Variants in SSTR5 observed in about 807,000 individuals in gnomAD.
SSTR5 encodes somatostatin receptor 5.
In SSTR5, 1 loss-of-function variant was observed where a neutral mutation model predicts 0.3. That is an observed-to-expected ratio of 2.98 (90% CI 1.06 to 14.15). SSTR5 has a LOEUF of 14.15. Among genes scored for constraint, SSTR5 ranks in the 30% most tolerant of loss-of-function variants. The pLI is 0.12. For synonymous variants in SSTR5, 256 were observed against 263.1 expected (o/e 0.97, Z 0.26); for missense variants, 516 against 543.2 (o/e 0.95, Z 0.50).
At chr16:1,074,919 G>A (rs1000829589) in intron 1 of SSTR5, among the ~76,000 whole-genome samples, 4 of 152,192 alleles carry the variant, frequency 2.6e-5, no homozygotes, top group African/African-American at 7.2e-5. Context: ...AGAGAAGCCC[G>A]TGACTTACCC....
rs1960323564 is a variant in SSTR5 at position 1,079,831 on chromosome 16, C to T, written c.963C>T (p.Leu321=). The T allele has an allele frequency of 6.2e-7, 1 of 1,612,022 alleles. No homozygotes were observed. Among genetic ancestry groups the T allele is most frequent in the Non-Finnish European group, 8.5e-7 (1 of 1,179,828 alleles). ...FRQSFQKVLC[L]RKGSGAKDAD... is the part of the protein sequence containing the mutation. ...AGAGCTTCCAGAAGGTTCTGTGCCT[C>T]CGCAAGGGCTCTGGTGCCAAGGACG... Residue 321 remains leucine, a synonymous_variant, in exon 2 of 2, where the codon CTC becomes CTT. Coordinates refer to ENST00000689027, the MANE Select transcript of SSTR5 (RefSeq NM_001172560.3).
At chr16:1,078,532 C>T (rs1216558378) in intron 1 of SSTR5, 1 of 420,234 alleles carries the variant, frequency 2.4e-6, no homozygotes, top group East Asian at 4.9e-5. Flanking sequence ...TGGCCTCAGA[C>T]TCCAGGATGC....
At position 1,079,904 on chromosome 16, in the gene SSTR5, GCCACGCCACCCGCGCA is replaced by G; in HGVS notation, c.1039_1054del (p.Thr347AlafsTer39). ...AGACAGGATCCGGCAGCAGCAGGAG[GCCACGCCACCCGCGCA>G]CCGCGCCGCAGCCAACGGGCTTATG... On this transcript the variant is annotated frameshift_variant, in exon 2 of 2. Coordinates refer to ENST00000689027, the MANE Select transcript of SSTR5 (RefSeq NM_001172560.3). LOFTEE classifies it high-confidence loss of function. 6.2e-7 allele frequency: 1 copy of G among 1,607,796 alleles called. No homozygotes were observed. The highest frequency in any genetic ancestry group is 8.5e-7 in the Non-Finnish European group (1 of 1,178,020).
intron 1 of SSTR5, chr16:1,073,026 C>A (rs575495253): frequency 1.3e-5 from 2 of 152,536 alleles, no homozygotes; most frequent in African/African-American, 4.8e-5. Context: ...CCTCCCCTCC[C>A]GTTCCATCCA....
intron 1 of SSTR5, chr16:1,077,940 C>G (rs1486011171): frequency 6.6e-6 from 1 of 152,128 alleles, no homozygotes; most frequent in African/African-American, 2.4e-5. Flanking sequence ...CTCAAAGCTC[C>G]GATGGGACTG....
rs200438697 is a variant in SSTR5 at position 1,079,580 on chromosome 16, G to A, written c.712G>A (p.Val238Met). 72 of 1,611,086 alleles carry A rather than the reference G, an allele frequency of 4.5e-5. No homozygotes were observed. Among genetic ancestry groups the A allele is most frequent in the East Asian group, 6.7e-5 (3 of 44,822 alleles). The part of the protein sequence containing the change: ...VRAAGVRVGC[V>M]RRRSERKVTR... ...GGCGGCGGGCGTGCGCGTGGGCTGC[G>A]TGCGGCGGCGCTCGGAGCGGAAGGT... The change falls in exon 2 of 2, where the codon GTG (valine) becomes ATG (methionine). Residue 238 changes from valine (V) to methionine (M), a missense_variant. Physicochemically the swap from Val to Met is conservative, Grantham distance 21. Transcript: ENST00000689027.
At chr16:1,077,524 A>G (rs556017769) in intron 1 of SSTR5, 1 of 152,258 alleles carries the variant, frequency 6.6e-6, no homozygotes, top group African/African-American at 2.4e-5. Context: ...CCTGGGCTCA[A>G]ATGATCCTCC....
At position 1,080,022 on chromosome 16, in the gene SSTR5, G is replaced by A. The variant is rs1311219334; in HGVS notation, c.*59G>A. 2.0e-5 allele frequency: 30 copies of A among 1,509,622 alleles called. No individual in the cohort carries two copies. Among genetic ancestry groups the A allele is most frequent in the Admixed American group, 8.8e-5 (4 of 45,402 alleles). The allele number at this position is 1,509,622 out of a possible 1,614,324, so 93.5% of individuals were successfully genotyped here. ...CCCCCAGGAGCGGAGGTTGCACTGC[G>A]GTGACCCCCACCCATGACCTGCCAG... On this transcript the variant is annotated 3_prime_UTR_variant, in exon 2 of 2. Coordinates refer to ENST00000689027, the MANE Select transcript of SSTR5 (RefSeq NM_001172560.3).
chr16:1,074,995 G>A (rs1477106206), intron 1 of SSTR5, among the ~76,000 whole-genome samples: 5 of 152,206 alleles, frequency 3.3e-5, no homozygotes, highest in Non-Finnish European at 7.3e-5. Flanking sequence ...ATGTCAGGCT[G>A]AGCAGATCCC....
Position 1,078,967 on chromosome 16 carries a change from G to A in SSTR5, c.99G>A (p.Ala33=), listed in dbSNP as rs748719826. 18 of 1,592,460 alleles carry A rather than the reference G, an allele frequency of 1.1e-5. No individual in the cohort carries two copies. Among genetic ancestry groups the A allele is most frequent in the Admixed American group, 3.5e-5 (2 of 57,330 alleles). The part of the protein sequence containing the change: ...GGDNRTLVGP[A]PSAGARAVLV... Reference sequence around the variant, plus strand: ...ACAACAGGACGCTGGTGGGGCCGGCGCCCTCGGCAGGGGCCCGGGCGGTGC... The same window carrying A: ...ACAACAGGACGCTGGTGGGGCCGGCACCCTCGGCAGGGGCCCGGGCGGTGC... Residue 33 remains alanine (A), a synonymous_variant, in exon 2 of 2, where the codon GCG becomes GCA. Coordinates refer to ENST00000689027, the MANE Select transcript of SSTR5 (RefSeq NM_001172560.3).
chr16:1,081,076 C>T lies in SSTR5; in HGVS notation c.*1113C>T. The T allele has an allele frequency of 2.1e-6, 1 of 470,408 alleles. No individual in the cohort carries two copies. The highest frequency in any genetic ancestry group is 4.4e-6 in the Non-Finnish European group (1 of 226,694). 29.1% of individuals were successfully genotyped at this position (470,408 alleles called of 1,614,324 possible). ...CCCTGGGAATCCCGCCGCCTCCCACCTAGAATTGTCCTACCTCCCCCACCC... is the reference window on the plus strand; with the variant it reads ...CCCTGGGAATCCCGCCGCCTCCCACTTAGAATTGTCCTACCTCCCCCACCC... On this transcript the variant is annotated 3_prime_UTR_variant, in exon 2 of 2. Coordinates refer to ENST00000689027, the MANE Select transcript of SSTR5 (RefSeq NM_001172560.3).
intron 1 of SSTR5, among the ~76,000 whole-genome samples, chr16:1,076,132 CCCG>C (rs1960199694): frequency 2.1e-5 from 1 of 47,808 alleles, no homozygotes; most frequent in Non-Finnish European, 4.2e-5. Context: ...CTCTCTCCTC[CCCG>C]CCTCCCCATC....
Position 1,079,306 on chromosome 16 carries a change from C to T in SSTR5, c.438C>T (p.Ser146=), listed in dbSNP as rs142519171. ...ACCTGGCAGTGGTGCACCCGCTGAGCTCGGCCCGCTGGCGCCGCCCGCGTG... is the reference window on the plus strand; with the variant it reads ...ACCTGGCAGTGGTGCACCCGCTGAGTTCGGCCCGCTGGCGCCGCCCGCGTG... The part of the protein sequence containing the change: ...DRYLAVVHPL[S]SARWRRPRVA... The change falls in exon 2 of 2, where the codon AGC becomes AGT. Residue 146 remains serine, a synonymous_variant. Transcript: ENST00000689027. 6.2e-7 allele frequency: 1 copy of T among 1,610,000 alleles called. No individual in the cohort carries two copies. Among genetic ancestry groups the T allele is most frequent in the Non-Finnish European group, 8.5e-7 (1 of 1,178,838 alleles).
At chr16:1,076,096 C>A (rs1596235272) in intron 1 of SSTR5, among the ~76,000 whole-genome samples, 1 of 20,250 alleles carries the variant, frequency 4.9e-5, no homozygotes, top group East Asian at 1.4e-3. Context: ...CTCCTCCCCT[C>A]CCCCTCCCTC....
chr16:1,075,178 T>A lies in SSTR5; in HGVS notation c.-28+2356T>A, dbSNP rs145660167. 8.6e-3 allele frequency among the ~76,000 whole-genome samples: 1,301 copies of A among 151,848 alleles called. 23 individuals are homozygous for A. Among genetic ancestry groups the A allele is most frequent in the African/African-American group, 0.03 (1,246 of 41,376 alleles). On this transcript the variant is annotated intron_variant, in intron 1 of 1. Coordinates refer to ENST00000689027, the MANE Select transcript of SSTR5 (RefSeq NM_001172560.3). ...CTCTTGCAGAATTATGTTCCAAGAG[T>A]CAGGTACAGCAATAATGGTCTATTT...
chr16:1,074,630 T>G (rs1246839394), intron 1 of SSTR5, among the ~76,000 whole-genome samples: 1 of 152,184 alleles, frequency 6.6e-6, no homozygotes, highest in East Asian at 1.9e-4. Context: ...GAGCGCCCAG[T>G]GTATGCCAGC....
chr16:1,081,440 C>T lies in SSTR5; in HGVS notation c.*1477C>T, dbSNP rs529462801. 2.0e-5 allele frequency among the ~76,000 whole-genome samples: 3 copies of T among 152,258 alleles called. No homozygotes were observed. The highest frequency in any genetic ancestry group is 1.3e-4 in the Admixed American group (2 of 15,302). On this transcript the variant is annotated 3_prime_UTR_variant, in exon 2 of 2. Transcript: ENST00000689027. ...TGACAACTGCTCCCCTGAATAAATGCGAGGATAAATGTTTGATTCTTTCCC... is the reference window on the plus strand; with the variant it reads ...TGACAACTGCTCCCCTGAATAAATGTGAGGATAAATGTTTGATTCTTTCCC...
chr16:1,074,242 GT>G (rs1960147905), intron 1 of SSTR5, among the ~76,000 whole-genome samples: 1 of 152,352 alleles, frequency 6.6e-6, no homozygotes, highest in African/African-American at 2.4e-5. Context: ...TAGCTAGGGT[GT>G]CCCCCGACGT....
intron 1 of SSTR5, among the ~76,000 whole-genome samples, chr16:1,077,245 C>T (rs1488742102): frequency 6.6e-6 from 1 of 152,188 alleles, no homozygotes; most frequent in African/African-American, 2.4e-5. Flanking sequence ...CCAGACGGCA[C>T]ATGCTGAGGT....
Sources: allele counts gnomAD v4.1 joint callset (sites outside exome capture counted in the v4.1 genomes callset), GRCh38; gene constraint gnomAD v4.1.1; transcripts MANE v1.5; gene names NCBI Gene and HGNC (gene_info 2026-07-23, HGNC 2026-07-21).